ECT2: variants seen among roughly 807,000 people sequenced by gnomAD.
ECT2 encodes epithelial cell transforming 2, also known as protein ECT2.
In ECT2, 61 loss-of-function variants were observed where a neutral mutation model predicts 116.9. That is an observed-to-expected ratio of 0.52 (90% CI 0.42 to 0.65). The LOEUF (loss-of-function observed/expected upper bound fraction) is 0.65, where lower values mean the gene tolerates loss of function less well. ECT2 is among the 30% of genes least tolerant of loss of function. ECT2 has a pLI of 0.00. For synonymous variants in ECT2, 358 were observed against 346.4 expected (o/e 1.03, Z -0.37); for missense variants, 937 against 1,078.7 (o/e 0.87, Z 1.84).
chr3:172,825,090 T>C (rs758180551), downstream of ECT2, among the ~76,000 whole-genome samples: 3 of 152,258 alleles, frequency 2.0e-5, no homozygotes, highest in Non-Finnish European at 4.4e-5. Context: ...CTGTGTCACA[T>C]TTTTGTAATT....
chr3:172,799,031 A>T (rs1193713233), intron 18 of ECT2, among the ~76,000 whole-genome samples: 1 of 152,180 alleles, frequency 6.6e-6, no homozygotes, highest in East Asian at 1.9e-4. Context: ...GAGGTTTTAA[A>T]ATCTGAAATT....
rs367559556 is a variant in ECT2, at chr3:172,774,007, A to G, written c.1533A>G (p.Val511=). The G allele has an allele frequency of 9.9e-6, 16 of 1,611,450 alleles. No homozygotes were observed. The African/African-American group carries it at 2.1e-4, about 22-fold the overall frequency. Residue 511 remains valine, a synonymous_variant, in exon 14 of 25, where the codon GTA becomes GTG. Coordinates refer to ENST00000392692, the MANE Select transcript of ECT2 (RefSeq NM_001258315.2). ...GTAGCATCCCAGATATCTTTGATGT[A>G]CACACTAAGATAAAGGTAAATTTGT... ...IFGSIPDIFD[V]HTKIKDDLED...
At chr3:172,770,458 T>G (rs1006573294) in intron 13 of ECT2, among the ~76,000 whole-genome samples, 14 of 152,116 alleles carry the variant, frequency 9.2e-5, no homozygotes, top group Admixed American at 5.9e-4. Context: ...TCATCAAAGG[T>G]TTGTTTAAAA....
chr3:172,814,383 T>A lies in ECT2; in HGVS notation c.2401-1221T>A, dbSNP rs1335309926. Among the ~76,000 whole-genome samples the A allele has an allele frequency of 4.0e-5, 6 of 151,858 alleles. No individual in the cohort carries two copies. The South Asian group carries it at 1.0e-3, about 26-fold the overall frequency. On this transcript the variant is annotated intron_variant, in intron 22 of 24. Coordinates refer to ENST00000392692, the MANE Select transcript of ECT2 (RefSeq NM_001258315.2). ...TTCTACATTTTTAAAATAGAAAAAA[T>A]TTTCAGAAGAAACAACTTTCACAAG... is the stretch of plus-strand genomic sequence containing the variant.
intron 16 of ECT2, 36 bp from the exon 17 acceptor site, chr3:172,784,671 A>G: frequency 6.6e-7 from 1 of 1,523,656 alleles, no homozygotes; most frequent in South Asian, 1.1e-5. Context: ...CTTTTCAGAA[A>G]ACCTTTTTTG....
chr3:172,779,889 C>G (rs1722385253), intron 14 of ECT2, among the ~76,000 whole-genome samples: 1 of 148,686 alleles, frequency 6.7e-6, no homozygotes, highest in African/African-American at 2.5e-5. Context: ...GAGTGAGACC[C>G]TGTCTCAAAA....
At chr3:172,786,103 C>A (rs957699280) in intron 17 of ECT2, among the ~76,000 whole-genome samples, 1 of 152,038 alleles carries the variant, frequency 6.6e-6, no homozygotes, top group Non-Finnish European at 1.5e-5. Flanking sequence ...CTTAAAGATA[C>A]CAGATGCTCT....
rs138074177 is a variant in ECT2, at chr3:172,762,790, A to G, written c.989A>G (p.Tyr330Cys). 868 of 1,612,662 alleles carry G rather than the reference A, an allele frequency of 5.4e-4. No homozygotes were observed. Among genetic ancestry groups the G allele is most frequent in the Non-Finnish European group, 6.7e-4 (789 of 1,179,562 alleles). The change falls in exon 10 of 25, where the codon TAT (tyrosine) becomes TGT (cysteine). Residue 330 changes from tyrosine to cysteine, a missense_variant. By Grantham distance (194) the Tyr-to-Cys change is radical. Coordinates refer to ENST00000392692, the MANE Select transcript of ECT2 (RefSeq NM_001258315.2). ...CCCTTTGAACCTTCAAAGAAACTTT[A>G]TGTTGTCAAGCAAGAGGCAAGTAAT... ...DLPFEPSKKLYVVKQEWFWGS... is the reference protein window; with the variant it reads ...DLPFEPSKKLCVVKQEWFWGS...
intron 14 of ECT2, among the ~76,000 whole-genome samples, chr3:172,781,479 G>T (rs960447435): frequency 8.5e-5 from 13 of 152,192 alleles, no homozygotes; most frequent in Non-Finnish European, 1.2e-4. Flanking sequence ...TTTAGTATAA[G>T]AGCTTGTTGA....
Position 172,786,625 on chromosome 3 carries a change from T to C in ECT2, c.1907+51T>C, listed in dbSNP as rs556602847. On this transcript the variant is annotated intron_variant, in intron 18 of 24. Transcript: ENST00000392692. ...ATTGTGCCTTAGATTTCGAATGGAA[T>C]TGATAGAAAACTAGAATCATAAATA... The C allele has an allele frequency of 8.9e-6, 11 of 1,241,008 alleles. No homozygotes were observed. The African/African-American group carries it at 1.4e-4, about 15-fold the overall frequency. The allele number at this position is 1,241,008 out of a possible 1,614,324, so 76.9% of individuals were successfully genotyped here.
intron 14 of ECT2, among the ~76,000 whole-genome samples, chr3:172,774,308 C>T (rs1246217959): frequency 6.6e-6 from 1 of 152,162 alleles, no homozygotes; most frequent in Non-Finnish European, 1.5e-5. Context: ...AGCAATTCTC[C>T]CGCTGCCTAA....
Position 172,754,677 on chromosome 3 carries a change from C to G in ECT2, c.130+17C>G. The stretch of plus-strand genomic sequence containing the variant: ...ATGTAGAAGGTAAACCTGTTACCTG[C>G]TTTAAAACAATCAATTTCTATTTTA... On this transcript the variant is annotated intron_variant, in intron 2 of 24. Coordinates refer to ENST00000392692, the MANE Select transcript of ECT2 (RefSeq NM_001258315.2). 6.4e-7 allele frequency: 1 copy of G among 1,554,730 alleles called. No homozygotes were observed. Among genetic ancestry groups the G allele is most frequent in the Non-Finnish European group, 8.7e-7 (1 of 1,147,552 alleles).
At chr3:172,805,679 G>T in intron 20 of ECT2, 52 bp from the exon 21 acceptor site, 1 of 1,541,072 alleles carries the variant, frequency 6.5e-7, no homozygotes, top group East Asian at 2.3e-5. Context: ...TTAAGTATTT[G>T]GTCCTTTTTC....
At chr3:172,760,355 A>G (rs538671213) in intron 7 of ECT2, 92 bp downstream of exon 7, 144 of 649,642 alleles carry the variant, frequency 2.2e-4, no homozygotes, top group Middle Eastern at 1.4e-3. Flanking sequence ...TTCTTTCACA[A>G]TTAAAGAAGA....
intron 18 of ECT2, among the ~76,000 whole-genome samples, chr3:172,800,065 A>G (rs1210218717): frequency 6.6e-6 from 1 of 152,226 alleles, no homozygotes; most frequent in East Asian, 1.9e-4. Flanking sequence ...TTGAGGGACA[A>G]TTAAGCCTAC....
At chr3:172,816,143 A>G (rs911514622) in intron 23 of ECT2, among the ~76,000 whole-genome samples, 1 of 152,272 alleles carries the variant, frequency 6.6e-6, no homozygotes, top group East Asian at 1.9e-4. Flanking sequence ...TGAGGATTAC[A>G]TAAGTATGTT....
chr3:172,757,413 T>C (rs1166776830), intron 5 of ECT2, among the ~76,000 whole-genome samples: 1 of 130,004 alleles, frequency 7.7e-6, no homozygotes, highest in African/African-American at 2.7e-5. Context: ...AAATACATAG[T>C]CCTTTTTTTT....
intron 24 of ECT2, among the ~76,000 whole-genome samples, chr3:172,818,008 G>A (rs1730064400): frequency 1.3e-5 from 2 of 152,094 alleles, no homozygotes; most frequent in Admixed American, 6.6e-5. Flanking sequence ...AGGATTAAGC[G>A]AGTTATTATA....
At chr3:172,771,328 C>T (rs1231249154) in intron 13 of ECT2, 5 of 152,168 alleles carry the variant, frequency 3.3e-5, no homozygotes, top group African/African-American at 7.2e-5. Flanking sequence ...AAGTCTGAGA[C>T]ACACGCGTGG....
Sources: allele counts gnomAD v4.1 joint callset (sites outside exome capture counted in the v4.1 genomes callset), GRCh38; gene constraint gnomAD v4.1.1; transcripts MANE v1.5; gene names NCBI Gene and HGNC (gene_info 2026-07-23, HGNC 2026-07-21).